Variants in VEZT observed in about 807,000 individuals in gnomAD.
VEZT encodes vezatin.
In VEZT, 39 loss-of-function variants were observed where a neutral mutation model predicts 79.9. That is an observed-to-expected ratio of 0.49 (90% CI 0.38 to 0.64). The LOEUF (loss-of-function observed/expected upper bound fraction) is 0.64. VEZT is among the 30% of genes least tolerant of loss of function. The probability of loss-of-function intolerance (pLI) is 0.00; values close to 1 mark genes in which losing one functional copy is unlikely to be tolerated. For synonymous variants in VEZT, 325 were observed against 327.6 expected, an observed-to-expected ratio of 0.99 and a Z score of 0.09; for missense variants, 837 against 893.1, an observed-to-expected ratio of 0.94 and a Z score of 0.80.
At chr12:95,292,612 G>A (rs1313790350) in intron 9 of VEZT, among the ~76,000 whole-genome samples, 2 of 148,010 alleles carry the variant, frequency 1.4e-5, no homozygotes, top group Non-Finnish European at 3.0e-5. Flanking sequence ...GCAGTGGCGC[G>A]ATCTCGCCTC....
chr12:95,245,460 A>C (rs1483034689), intron 1 of VEZT: 3 of 455,074 alleles, frequency 6.6e-6, no homozygotes, highest in Non-Finnish European at 8.8e-6. Context: ...GTTTTATCAG[A>C]AGTATTACAA....
Position 95,300,513 on chromosome 12 carries a change from C to G in VEZT, c.2180C>G (p.Ala727Gly), listed in dbSNP as rs1463894799. The G allele has an allele frequency of 2.5e-6, 4 of 1,613,836 alleles. No individual in the cohort carries two copies. In the Admixed American group the frequency reaches 6.7e-5, roughly 27 times the overall value. The change falls in exon 12 of 12, where the codon GCA (alanine) becomes GGA (glycine). Residue 727 changes from alanine (A) to glycine (G), a missense_variant. Transcript: ENST00000436874. ...SLQPSIKQRL[A>G]RLQLSPDFTF... ...CAGCCCTCCATTAAGCAGAGGCTGG[C>G]ACGGCTACAGCTGTCACCAGATTTT...
At chr12:95,295,603 T>C (rs1020929536) in intron 10 of VEZT, among the ~76,000 whole-genome samples, 1 of 152,174 alleles carries the variant, frequency 6.6e-6, no homozygotes, top group African/African-American at 2.4e-5. Context: ...GTCTTAGAGA[T>C]AGGGAGAACC....
intron 8 of VEZT, among the ~76,000 whole-genome samples, chr12:95,283,863 A>G (rs2069835827): frequency 6.6e-6 from 1 of 152,224 alleles, no homozygotes; most frequent in Admixed American, 6.5e-5. Flanking sequence ...TCTACAGGGA[A>G]CTGGGCGATA....
chr12:95,291,093 C>G (rs2139673082), intron 9 of VEZT, among the ~76,000 whole-genome samples: 1 of 152,092 alleles, frequency 6.6e-6, no homozygotes, highest in East Asian at 1.9e-4. Flanking sequence ...GGCAAAACCC[C>G]ATCTCTACCA....
At chr12:95,291,218 G>C (rs1226417937) in intron 9 of VEZT, among the ~76,000 whole-genome samples, 2 of 152,194 alleles carry the variant, frequency 1.3e-5, no homozygotes, top group Non-Finnish European at 2.9e-5. Context: ...GTGACACAGT[G>C]AGACCCTGTC....
In VEZT at chr12:95,296,042, C is replaced by T. The variant is rs747564285; in HGVS notation, c.1624-9C>T. The stretch of plus-strand genomic sequence containing the variant: ...CAAGTAAAGTGCTTTTTCTTCTATT[C>T]ATTTTCAGGAATTAGAAGCTTATGT... On this transcript the variant is annotated splice_polypyrimidine_tract_variant and intron_variant, in intron 10 of 11. Coordinates refer to ENST00000436874, the MANE Select transcript of VEZT (RefSeq NM_017599.4). The T allele has an allele frequency of 6.6e-7, 1 of 1,517,452 alleles. No individual in the cohort carries two copies. Among genetic ancestry groups the T allele is most frequent in the South Asian group, 1.3e-5 (1 of 78,258 alleles). 94.0% of individuals were successfully genotyped at this position (1,517,452 alleles called of 1,614,324 possible). A position where few individuals can be genotyped will look rare whatever the true frequency, so the allele number is the denominator to read the frequency against.
intron 1 of VEZT, among the ~76,000 whole-genome samples, chr12:95,227,999 C>T (rs137951363): frequency 4.4e-4 from 67 of 152,270 alleles, no homozygotes; most frequent in South Asian, 3.9e-3. Context: ...TAGGTGAACT[C>T]GTTACTGTTT....
chr12:95,300,541 C>G lies in VEZT; in HGVS notation c.2208C>G (p.Thr736=). The G allele has an allele frequency of 6.2e-7, 1 of 1,613,904 alleles. No individual in the cohort carries two copies. ...GGCTACAGCTGTCACCAGATTTTAC[C>G]TTCACTGCTGGCCTTGCTGCAGAAG... ...LARLQLSPDF[T]FTAGLAAEVA... The change falls in exon 12 of 12, where the codon ACC becomes ACG. Residue 736 remains threonine (T), a synonymous_variant. Coordinates refer to ENST00000436874, the MANE Select transcript of VEZT (RefSeq NM_017599.4).
At chr12:95,259,680 C>A (rs2064052706) in intron 3 of VEZT, among the ~76,000 whole-genome samples, 1 of 152,164 alleles carries the variant, frequency 6.6e-6, no homozygotes, top group Non-Finnish European at 1.5e-5. Context: ...GCAGGTGATA[C>A]CTGCTAATAT....
intron 11 of VEZT, chr12:95,299,068 A>G (rs373216871): frequency 5.2e-5 from 8 of 154,818 alleles, no homozygotes; most frequent in Admixed American, 2.6e-4. Flanking sequence ...TACATCTTCC[A>G]GAGCTGTTTT....
chr12:95,262,337 T>A (rs1046997576), intron 3 of VEZT: 2 of 152,236 alleles, frequency 1.3e-5, no homozygotes, highest in Admixed American at 6.5e-5. Flanking sequence ...TAGAAGATAT[T>A]CCTTGATAGA....
rs371287700 is a variant in VEZT, at chr12:95,268,805, T to C, written c.711-1246T>C. The stretch of plus-strand genomic sequence containing the variant: ...GGGTTGAAAAATGAATAATAAGTCT[T>C]GAATCATAATTTTTTAGACATTTTC... On this transcript the variant is annotated intron_variant, in intron 5 of 11. Coordinates refer to ENST00000436874, the MANE Select transcript of VEZT (RefSeq NM_017599.4). Among the ~76,000 whole-genome samples, 20 of 152,322 alleles carry C rather than the reference T, an allele frequency of 1.3e-4. No homozygotes were observed. In the East Asian group the frequency reaches 1.4e-3, roughly 10 times the overall value.
intron 1 of VEZT, among the ~76,000 whole-genome samples, chr12:95,245,223 C>T (rs1033890718): frequency 6.6e-6 from 1 of 152,028 alleles, no homozygotes; most frequent in Non-Finnish European, 1.5e-5. Flanking sequence ...GAAAGGGGGA[C>T]TCTGTCTCAA....
At chr12:95,236,540 C>A (rs2060218820) in intron 1 of VEZT, among the ~76,000 whole-genome samples, 2 of 151,226 alleles carry the variant, frequency 1.3e-5, no homozygotes, top group East Asian at 3.9e-4. Context: ...AGTTTCTAAC[C>A]TTGTGTAACG....
intron 1 of VEZT, among the ~76,000 whole-genome samples, chr12:95,241,930 GGATACCTTT>G (rs2061076770): frequency 6.6e-6 from 1 of 152,148 alleles, no homozygotes; most frequent in South Asian, 2.1e-4. Flanking sequence ...TGTTGCTAGA[GGATACCTTT>G]GATATTTGTT....
intron 7 of VEZT, 88 bp downstream of exon 7, chr12:95,274,977 G>T: frequency 6.8e-7 from 1 of 1,465,086 alleles, no homozygotes; most frequent in Non-Finnish European, 9.1e-7. Flanking sequence ...TAGTGCGTTT[G>T]TTCCACTCAT....
intron 9 of VEZT, 125 bp from the exon 10 acceptor site, chr12:95,294,147 G>T: frequency 1.5e-6 from 1 of 676,160 alleles, no homozygotes. Context: ...TCAGCCTCCC[G>T]AAGTGCTGGG....
At chr12:95,264,899 G>T (rs180961736) in intron 4 of VEZT, among the ~76,000 whole-genome samples, 1 of 131,734 alleles carries the variant, frequency 7.6e-6, no homozygotes, top group Non-Finnish European at 1.6e-5. Context: ...TTGAGACAAG[G>T]TCCTGCTTTG....
Sources: allele counts gnomAD v4.1 joint callset (sites outside exome capture counted in the v4.1 genomes callset), GRCh38; gene constraint gnomAD v4.1.1; transcripts MANE v1.5; gene names NCBI Gene and HGNC (gene_info 2026-07-23, HGNC 2026-07-21).